FSTL4: variants seen among roughly 807,000 people sequenced by gnomAD.
The protein encoded by FSTL4 is follistatin like 4, also known as follistatin-related protein 4.
Under a neutral mutation model 78.2 loss-of-function variants are expected in FSTL4, and 28 were observed. That is an observed-to-expected ratio of 0.36 (90% CI 0.27 to 0.49). The LOEUF (loss-of-function observed/expected upper bound fraction) is 0.49. Among genes scored for constraint, FSTL4 ranks in the 20% least tolerant of loss-of-function variants. The pLI is 0.98. For synonymous variants in FSTL4, 422 were observed against 440.5 expected (o/e 0.96, Z 0.53); for missense variants, 922 against 1,084.9 (o/e 0.85, Z 2.11).
chr5:133,718,747 G>A, the FSTL4 span, among the ~76,000 whole-genome samples: 1 of 152,158 alleles, frequency 6.6e-6, no homozygotes, highest in Non-Finnish European at 1.5e-5. Flanking sequence ...ATTTCTATGT[G>A]ACAGCCCTAA....
chr5:133,539,962 C>A (rs75490979), intron 3 of FSTL4, among the ~76,000 whole-genome samples: 3 of 112,328 alleles, frequency 2.7e-5, no homozygotes, highest in African/African-American at 1.1e-4. Context: ...TTTTTTTTTT[C>A]TTTGATGAGG....
intron 4 of FSTL4, among the ~76,000 whole-genome samples, chr5:133,342,128 C>T (rs1315445588): frequency 2.0e-5 from 3 of 152,124 alleles, no homozygotes; most frequent in Non-Finnish European, 2.9e-5. Flanking sequence ...GGAAGGAGAG[C>T]CTTCCTGTTG....
intron 4 of FSTL4, among the ~76,000 whole-genome samples, chr5:133,326,022 T>C (rs1376313562): frequency 2.6e-5 from 4 of 152,192 alleles, no homozygotes; most frequent in African/African-American, 7.2e-5. Context: ...GGGGCCTCAG[T>C]TGTGATGTGT....
At position 133,317,115 on chromosome 5, in the gene FSTL4, C is replaced by T. The variant is rs552096871; in HGVS notation, c.410-463G>A. On this transcript the variant is annotated intron_variant, in intron 4 of 15. Transcript: ENST00000265342. ...GATTAGGGAGTTTTAGTTAACAGGA[C>T]TAATAAGCCCTGCTTATGTTAATTA... 3.9e-5 allele frequency among the ~76,000 whole-genome samples: 6 copies of T among 152,186 alleles called. No homozygotes were observed. In the South Asian group the frequency reaches 1.2e-3, roughly 32 times the overall value.
At chr5:133,341,403 C>T (rs537468927) in intron 4 of FSTL4, among the ~76,000 whole-genome samples, 1 of 152,228 alleles carries the variant, frequency 6.6e-6, no homozygotes, top group African/African-American at 2.4e-5. Context: ...GTGAGTTGGG[C>T]TCAGCGGCTG....
chr5:133,641,261 C>CACAAAAACAAAA, the FSTL4 span, among the ~76,000 whole-genome samples: 4 of 74,698 alleles, frequency 5.4e-5, no homozygotes, highest in Non-Finnish European at 1.0e-4. Flanking sequence ...AAAACACACA[C>CACAAAAACAAAA]ACAAAAACAA....
chr5:133,350,950 G>T (rs994948013), intron 4 of FSTL4, among the ~76,000 whole-genome samples: 2 of 152,360 alleles, frequency 1.3e-5, no homozygotes, highest in East Asian at 3.9e-4. Context: ...GGCTGGGAAA[G>T]GTAGTTTCTT....
At chr5:133,661,633 A>T in the FSTL4 span, among the ~76,000 whole-genome samples, 1 of 152,252 alleles carries the variant, frequency 6.6e-6, no homozygotes, top group Non-Finnish European at 1.5e-5. Context: ...AGGTATTTTG[A>T]ATAGAGGCTG....
chr5:133,599,001 G>A (rs1760799416), intron 2 of FSTL4, among the ~76,000 whole-genome samples: 1 of 152,144 alleles, frequency 6.6e-6, no homozygotes, highest in Non-Finnish European at 1.5e-5. Flanking sequence ...ACACCAACGG[G>A]CAGATCTCAA....
At chr5:133,509,560 G>C (rs1403606269) in intron 3 of FSTL4, among the ~76,000 whole-genome samples, 1 of 152,194 alleles carries the variant, frequency 6.6e-6, no homozygotes, top group African/African-American at 2.4e-5. Context: ...AGACCAATGA[G>C]TGTTCACTCT....
chr5:133,528,592 C>A (rs700705), intron 3 of FSTL4, among the ~76,000 whole-genome samples: 55,732 of 152,064 alleles, frequency 0.37, 10,406 homozygotes, highest in East Asian at 0.42. Flanking sequence ...GCACCCAGGG[C>A]AGAGCCTGGC....
chr5:133,521,896 A>C (rs1758988827), intron 3 of FSTL4, among the ~76,000 whole-genome samples: 1 of 152,188 alleles, frequency 6.6e-6, no homozygotes, highest in Non-Finnish European at 1.5e-5. Context: ...TCCTGCCTCC[A>C]GGTAGATGGA....
rs79174820 is a variant in FSTL4 at position 133,552,567 on chromosome 5, C to T, written c.160+14619G>A. Among the ~76,000 whole-genome samples, 4 of 152,154 alleles carry T rather than the reference C, an allele frequency of 2.6e-5. No homozygotes were observed. The South Asian group carries it at 8.3e-4, about 32-fold the overall frequency. ...TATTTTCAAACGATGGCAACTCATT[C>T]ATATTGAAATATTTTTATGTTTACA... On this transcript the variant is annotated intron_variant, in intron 3 of 15. Coordinates refer to ENST00000265342, the MANE Select transcript of FSTL4 (RefSeq NM_015082.2).
chr5:133,452,412 C>A (rs1399996741), intron 3 of FSTL4, among the ~76,000 whole-genome samples: 2 of 152,232 alleles, frequency 1.3e-5, no homozygotes, highest in African/African-American at 4.8e-5. Context: ...TTAGAGGGAT[C>A]TGCAGCCAGA....
chr5:133,596,135 A>T (rs1349197199), intron 2 of FSTL4, among the ~76,000 whole-genome samples: 1 of 152,218 alleles, frequency 6.6e-6, no homozygotes, highest in Non-Finnish European at 1.5e-5. Context: ...AGCCGTGCAC[A>T]TCAGCCTGCC....
chr5:133,384,345 G>A (rs1755649897), intron 4 of FSTL4, among the ~76,000 whole-genome samples: 1 of 152,236 alleles, frequency 6.6e-6, no homozygotes, highest in South Asian at 2.1e-4. Flanking sequence ...GTGACAGGGT[G>A]CGCCCTGACG....
At chr5:133,621,060 C>CGT in the FSTL4 span, among the ~76,000 whole-genome samples, 1 of 152,088 alleles carries the variant, frequency 6.6e-6, no homozygotes, top group East Asian at 1.9e-4. Flanking sequence ...AAGAAACTGT[C>CGT]GTATATATAC....
At chr5:133,335,599 C>T (rs1233968032) in intron 4 of FSTL4, among the ~76,000 whole-genome samples, 2 of 151,996 alleles carry the variant, frequency 1.3e-5, no homozygotes, top group African/African-American at 4.8e-5. Flanking sequence ...CCTATCAACC[C>T]CTAAACTGTC....
the FSTL4 span, among the ~76,000 whole-genome samples, chr5:133,800,139 TA>T: frequency 7.2e-6 from 1 of 138,730 alleles, no homozygotes; most frequent in East Asian, 2.0e-4. Context: ...CAGGATGATT[TA>T]GGGAAAGGAG....
Sources: gnomAD v4.1 joint callset for allele counts (sites outside exome capture counted in the v4.1 genomes callset) on GRCh38, gnomAD v4.1.1 for gene constraint, MANE v1.5 for transcripts, NCBI Gene and HGNC (gene_info 2026-07-23, HGNC 2026-07-21) for gene names.